The following GAS2 variants were observed in gnomAD, a reference collection of about 807,000 sequenced individuals.
GAS2 encodes growth arrest-specific protein 2.
GAS2 carries 20 observed loss-of-function variants against 37.5 expected under a neutral mutation model. That is an observed-to-expected ratio of 0.53 (90% CI 0.37 to 0.77). GAS2 has a LOEUF of 0.77. Ranked by LOEUF, GAS2 falls within the 30% of genes least tolerant of loss-of-function variation. The probability of loss-of-function intolerance (pLI) is 0.00; values close to 1 mark genes in which losing one functional copy is unlikely to be tolerated. For missense variants in GAS2, 336 were observed against 373.4 expected (o/e 0.90, Z 0.82); for synonymous variants, 144 against 132.2 (o/e 1.09, Z -0.61).
At chr11:22,789,431 T>TATATATAA (rs1856013849) in intron 7 of GAS2, among the ~76,000 whole-genome samples, 1 of 90,904 alleles carries the variant, frequency 1.1e-5, no homozygotes, top group African/African-American at 4.2e-5. Flanking sequence ...ATGAGATATA[T>TATATATAA]ATATATATAT....
chr11:22,803,581 C>T (rs1318488630), intron 7 of GAS2, among the ~76,000 whole-genome samples: 2 of 152,042 alleles, frequency 1.3e-5, no homozygotes, highest in East Asian at 1.9e-4. Flanking sequence ...GTTGTGTGAT[C>T]CTGCCTAAGT....
intron 1 of GAS2, among the ~76,000 whole-genome samples, chr11:22,669,528 G>T (rs532856984): frequency 6.6e-6 from 1 of 152,030 alleles, no homozygotes; most frequent in Non-Finnish European, 1.5e-5. Context: ...ATGGGACTGT[G>T]GGATAAGAAA....
At chr11:22,665,197 TA>T (rs1848964138), upstream of GAS2, among the ~76,000 whole-genome samples, 1 of 152,180 alleles carries the variant, frequency 6.6e-6, no homozygotes. Context: ...AGAATATTCA[TA>T]TCTGGGGAGA....
intron 3 of GAS2, among the ~76,000 whole-genome samples, chr11:22,716,189 C>A (rs182927090): frequency 6.6e-6 from 1 of 152,208 alleles, no homozygotes; most frequent in East Asian, 1.9e-4. Context: ...AAGGGACATA[C>A]CTTAAGTTAA....
chr11:22,655,212 C>T lies in GAS2; in HGVS notation c.-20-19638C>T, dbSNP rs1848841495. On this transcript the variant is annotated intron_variant, in intron 1 of 5. Coordinates refer to the GAS2 transcript ENST00000528582. The stretch of plus-strand genomic sequence containing the variant: ...TGACAGGGCCACTGAACCTTGCCGC[C>T]TACGCTGATTCCCAGAGGCATACCT... Among the ~76,000 whole-genome samples, 6 of 152,164 alleles carry T rather than the reference C, an allele frequency of 3.9e-5. No individual in the cohort carries two copies. The South Asian group carries it at 1.2e-3, about 32-fold the overall frequency.
At chr11:22,678,878 T>C (rs1440923754) in intron 2 of GAS2, among the ~76,000 whole-genome samples, 2 of 147,528 alleles carry the variant, frequency 1.4e-5, no homozygotes, top group Non-Finnish European at 2.9e-5. Flanking sequence ...CCAGGAAATA[T>C]ACTTACTTAA....
At chr11:22,744,571 G>GA (rs1375150737) in intron 5 of GAS2, among the ~76,000 whole-genome samples, 1 of 151,952 alleles carries the variant, frequency 6.6e-6, no homozygotes, top group Non-Finnish European at 1.5e-5. Flanking sequence ...GATAGATATT[G>GA]AAAAAACTTT....
At chr11:22,641,200 T>TTATATATATA (rs370488494) in intron 1 of GAS2, among the ~76,000 whole-genome samples, 26 of 135,334 alleles carry the variant, frequency 1.9e-4, no homozygotes, top group East Asian at 1.1e-3. Flanking sequence ...GGTTCTTTCT[T>TTATATATATA]TATATATATA....
At chr11:22,727,119 A>G (rs887587942) in intron 4 of GAS2, among the ~76,000 whole-genome samples, 4 of 152,084 alleles carry the variant, frequency 2.6e-5, no homozygotes, top group Non-Finnish European at 4.4e-5. Flanking sequence ...TGGAGCATTC[A>G]GTGTTTCAAT....
chr11:22,700,018 T>G (rs1018267705), intron 3 of GAS2, among the ~76,000 whole-genome samples: 8 of 152,092 alleles, frequency 5.3e-5, no homozygotes. Flanking sequence ...GAGATGCCCT[T>G]GCAGTCTCTA....
At chr11:22,712,487 C>A (rs768448592) in intron 3 of GAS2, among the ~76,000 whole-genome samples, 1 of 152,138 alleles carries the variant, frequency 6.6e-6, no homozygotes, top group Non-Finnish European at 1.5e-5. Flanking sequence ...AAGCCCTATT[C>A]CTAGAAGAAA....
intron 2 of GAS2, among the ~76,000 whole-genome samples, chr11:22,676,455 A>C (rs1849433356): frequency 6.6e-6 from 1 of 152,156 alleles, no homozygotes; most frequent in South Asian, 2.1e-4. Flanking sequence ...AGGCGCTGGA[A>C]ATAGACTGCC....
chr11:22,811,593 G>A (rs533985350), intron 7 of GAS2, among the ~76,000 whole-genome samples: 4 of 151,080 alleles, frequency 2.6e-5, no homozygotes, highest in Non-Finnish European at 5.9e-5. Context: ...CTGGGTTCTG[G>A]AGATGTTTAT....
At chr11:22,674,480 GT>G (rs1849335051) in intron 1 of GAS2, among the ~76,000 whole-genome samples, 1 of 152,116 alleles carries the variant, frequency 6.6e-6, no homozygotes, top group Non-Finnish European at 1.5e-5. Context: ...AAAATCTATG[GT>G]TTTAAATAGC....
At chr11:22,789,904 C>T (rs540107578) in intron 7 of GAS2, among the ~76,000 whole-genome samples, 3 of 152,206 alleles carry the variant, frequency 2.0e-5, no homozygotes, top group Admixed American at 2.0e-4. Context: ...CCTTATAACA[C>T]ATTAGCTATG....
chr11:22,715,245 A>G (rs1851609141), intron 3 of GAS2, among the ~76,000 whole-genome samples: 1 of 152,008 alleles, frequency 6.6e-6, no homozygotes, highest in Non-Finnish European at 1.5e-5. Context: ...GCGGATCACC[A>G]GGTGAGGAGT....
At position 22,772,331 on chromosome 11, in the gene GAS2, G is replaced by A. The variant is rs1015855825; in HGVS notation, c.723+16378G>A. ...CTTGGTTCAAGAGGAAGATGTTGGC[G>A]GACAGGTTTTCTTCAAATAATATGA... On this transcript the variant is annotated intron_variant, in intron 7 of 7. Coordinates refer to ENST00000454584, the MANE Select transcript of GAS2 (RefSeq NM_001143830.3). Among the ~76,000 whole-genome samples the A allele has an allele frequency of 7.1e-4, 108 of 152,184 alleles. 1 individual carries two copies. The highest frequency in any genetic ancestry group is 2.4e-3 in the African/African-American group (99 of 41,538).
intron 3 of GAS2, among the ~76,000 whole-genome samples, chr11:22,700,821 G>A (rs1427392361): frequency 6.6e-6 from 1 of 152,076 alleles, no homozygotes. Flanking sequence ...TGAAAATTAG[G>A]AAGAAAAATT....
chr11:22,732,034 C>T (rs11026758), intron 4 of GAS2, among the ~76,000 whole-genome samples: 21,596 of 151,654 alleles, frequency 0.14, 1,683 homozygotes, highest in East Asian at 0.2. Flanking sequence ...AAATCCCTTA[C>T]GCAATGTTAC....
Sources: allele counts gnomAD v4.1 joint callset (sites outside exome capture counted in the v4.1 genomes callset), GRCh38; gene constraint gnomAD v4.1.1; transcripts MANE v1.5; gene names NCBI Gene and HGNC (gene_info 2026-07-23, HGNC 2026-07-21).